The following COL17A1 variants were observed in gnomAD, a reference collection of about 807,000 sequenced individuals.
COL17A1 encodes the protein collagen alpha-1(XVII) chain.
COL17A1 carries 181 observed loss-of-function variants against 218.4 expected under a neutral mutation model. The ratio of observed to expected loss-of-function variants is 0.83; its 90% CI spans 0.73 to 0.94. COL17A1 has a LOEUF of 0.94. COL17A1 is among the 40% of genes least tolerant of loss of function. COL17A1 has a pLI of 0.00. For missense variants in COL17A1, 1,924 were observed against 1,945.9 expected, an observed-to-expected ratio of 0.99 and a Z score of 0.21; for synonymous variants, 721 against 731.0, an observed-to-expected ratio of 0.99 and a Z score of 0.22.
At chr10:104,050,934 A>C in intron 25 of COL17A1, 33 bp from the exon 26 acceptor site, 5 of 1,614,018 alleles carry the variant, frequency 3.1e-6, no homozygotes, top group Non-Finnish European at 3.4e-6. Flanking sequence ...CACACAGATG[A>C]GTATCCCTAG....
chr10:104,044,146 G>C (rs2086387396), intron 33 of COL17A1, among the ~76,000 whole-genome samples: 2 of 152,218 alleles, frequency 1.3e-5, no homozygotes, highest in Admixed American at 1.3e-4. Flanking sequence ...GGGCTGACTG[G>C]AGAGTCCTTC....
chr10:104,062,726 G>A (rs74154727), intron 11 of COL17A1, among the ~76,000 whole-genome samples: 55 of 152,294 alleles, frequency 3.6e-4, no homozygotes, highest in African/African-American at 1.3e-3. Context: ...GACACCTCGG[G>A]TGCTGAGAGG....
At chr10:104,048,829 CTTTTTTTTTTTTGGTT>C (rs1286504310) in intron 29 of COL17A1, among the ~76,000 whole-genome samples, 1 of 143,192 alleles carries the variant, frequency 7.0e-6, no homozygotes, top group Non-Finnish European at 1.5e-5. Context: ...TCAACATGGT[CTTTTTTTTTTTTGGTT>C]TTTTTTTGAG....
chr10:104,052,003 G>A (rs2086474060), intron 24 of COL17A1, 152 bp downstream of exon 24: 7 of 989,902 alleles, frequency 7.1e-6, no homozygotes, highest in Non-Finnish European at 9.6e-6. Context: ...GCTTTTCTGG[G>A]GGATGCTCTT....
intron 13 of COL17A1, 150 bp downstream of exon 13, chr10:104,061,255 A>C (rs2086579859): frequency 4.4e-6 from 3 of 684,382 alleles, no homozygotes; most frequent in Non-Finnish European, 7.4e-6. Context: ...CCTTTGGGGC[A>C]AGTTGCGTTT....
intron 51 of COL17A1, 98 bp downstream of exon 51, chr10:104,034,523 G>A (rs2086255034): frequency 6.5e-7 from 1 of 1,537,258 alleles, no homozygotes. Context: ...TGGCTCTCGT[G>A]TGGCCTTCCT....
At chr10:104,034,913 A>G in intron 50 of COL17A1, 146 bp from the exon 51 acceptor site, 3 of 986,328 alleles carry the variant, frequency 3.0e-6, no homozygotes, top group Non-Finnish European at 3.0e-6. Context: ...GAAAAGCAGG[A>G]GGCCAGAGCC....
intron 8 of COL17A1, 31 bp downstream of exon 8, chr10:104,072,001 C>G: frequency 6.2e-7 from 1 of 1,614,072 alleles, no homozygotes; most frequent in Non-Finnish European, 8.5e-7. Context: ...TTTCTGGACC[C>G]TTTCTTTTCA....
In COL17A1 at chr10:104,042,851, T is replaced by G. The variant is rs968989076; in HGVS notation, c.2516-396A>C. ...CACATATAACAAAATAACAGGCACT[T>G]TGGAAAGGTAGGAAACAAATTGTCC... On this transcript the variant is annotated intron_variant, in intron 35 of 55. Transcript: ENST00000648076. Among the ~76,000 whole-genome samples, 3 of 152,214 alleles carry G rather than the reference T, an allele frequency of 2.0e-5. No individual in the cohort carries two copies. In the East Asian group the frequency reaches 5.8e-4, roughly 29 times the overall value.
At chr10:104,058,302 C>G in intron 15 of COL17A1, 112 bp from the exon 16 acceptor site, 1 of 1,359,184 alleles carries the variant, frequency 7.4e-7, no homozygotes, top group Non-Finnish European at 1.0e-6. Flanking sequence ...TTGCTTTCAA[C>G]GACGTGCAGG....
Position 104,034,191 on chromosome 10 carries a change from C to A in COL17A1, c.3910G>T (p.Gly1304Cys). The A allele has an allele frequency of 1.2e-6, 2 of 1,613,354 alleles. No individual in the cohort carries two copies. Among genetic ancestry groups the A allele is most frequent in the Non-Finnish European group, 1.7e-6 (2 of 1,179,950 alleles). Residue 1304 changes from glycine (G) to cysteine (C), a missense_variant, in exon 52 of 56, where the codon GGC becomes TGC. Coordinates refer to ENST00000648076, the MANE Select transcript of COL17A1 (RefSeq NM_000494.4). ...SSSHSSSVRR[G>C]SSYSSSMSTG... ...CTCATGGAAGAGCTGTAGGAGCTGC[C>A]CCGCCTGACAGATGAGCTGTGTGAG...
chr10:104,083,097 G>A (rs1329710297), intron 1 of COL17A1, among the ~76,000 whole-genome samples: 1 of 152,214 alleles, frequency 6.6e-6, no homozygotes, highest in Non-Finnish European at 1.5e-5. Context: ...AAATATAAGA[G>A]GAAACTTTCT....
At chr10:104,074,759 G>A (rs2086695830) in intron 5 of COL17A1, among the ~76,000 whole-genome samples, 1 of 152,236 alleles carries the variant, frequency 6.6e-6, no homozygotes, top group South Asian at 2.1e-4. Context: ...TTGTCCTGCA[G>A]CGGCAGGAGG....
At chr10:104,077,349 G>A in intron 4 of COL17A1, 73 bp downstream of exon 4, 4 of 1,181,830 alleles carry the variant, frequency 3.4e-6, no homozygotes, top group Non-Finnish European at 5.0e-6. Flanking sequence ...CCTGTGTCCT[G>A]TGTAGGACTT....
Position 104,059,551 on chromosome 10 carries a change from A to G in COL17A1, c.1222+87T>C, listed in dbSNP as rs1036171411. 5 of 1,270,224 alleles carry G rather than the reference A, an allele frequency of 3.9e-6. No individual in the cohort carries two copies. The Admixed American group carries it at 5.1e-5, about 13-fold the overall frequency. The allele number at this position is 1,270,224 out of a possible 1,614,324, so 78.7% of individuals were successfully genotyped here. A position where few individuals can be genotyped will look rare whatever the true frequency, so the allele number is the denominator to read the frequency against. On this transcript the variant is annotated intron_variant, in intron 15 of 55. Transcript: ENST00000648076. The stretch of plus-strand genomic sequence containing the variant: ...CTGATGCTGCTGGCCCGTGGACCAC[A>G]CTTTGAGTAGCAAGGTCTCCGAAGA...
Position 104,055,473 on chromosome 10 carries a change from CACACACACAA to C in COL17A1, c.1688-82_1688-73del, listed in dbSNP as rs922845421. 7.8e-5 allele frequency: 117 copies of C among 1,502,226 alleles called. 2 individuals are homozygous for C. Among genetic ancestry groups the C allele is most frequent in the East Asian group, 5.6e-4 (25 of 44,332 alleles). The allele number at this position is 1,502,226 out of a possible 1,614,324, so 93.1% of individuals were successfully genotyped here. On this transcript the variant is annotated intron_variant, in intron 18 of 55. Coordinates refer to ENST00000648076, the MANE Select transcript of COL17A1 (RefSeq NM_000494.4). ...ACACACACACACACACACACACACACACACACACAATAAGGGGATCATGGTATGGGAAGAA... is the reference window on the plus strand; with the variant it reads ...ACACACACACACACACACACACACACTAAGGGGATCATGGTATGGGAAGAA...
chr10:104,070,826 T>C (rs769785005), intron 8 of COL17A1, among the ~76,000 whole-genome samples: 44 of 152,216 alleles, frequency 2.9e-4, no homozygotes, highest in Non-Finnish European at 4.6e-4. Flanking sequence ...AGATATTTCC[T>C]AATTAGACCT....
intron 6 of COL17A1, 91 bp downstream of exon 6, chr10:104,074,093 G>T: frequency 6.3e-7 from 1 of 1,594,114 alleles, no homozygotes; most frequent in Non-Finnish European, 8.6e-7. Context: ...TTTAACTCAT[G>T]AGGTCCCCTA....
chr10:104,056,752 GCATC>G lies in COL17A1; in HGVS notation c.1465+219_1465+222del, dbSNP rs374675677. On this transcript the variant is annotated intron_variant, in intron 17 of 55. Transcript: ENST00000648076. ...AGGGTGGGGCTGAGCATCAGGCGCTGCATCCAAATTCAGCTCCACCACTAAGTGG... is the reference window on the plus strand; with the variant it reads ...AGGGTGGGGCTGAGCATCAGGCGCTGCAAATTCAGCTCCACCACTAAGTGG... Among the ~76,000 whole-genome samples the G allele has an allele frequency of 1.7e-3, 265 of 152,256 alleles. 1 individual carries two copies. Among genetic ancestry groups the G allele is most frequent in the African/African-American group, 6.0e-3 (250 of 41,534 alleles).
Sources: gnomAD v4.1 joint callset for allele counts (sites outside exome capture counted in the v4.1 genomes callset) on GRCh38, gnomAD v4.1.1 for gene constraint, MANE v1.5 for transcripts, NCBI Gene and HGNC (gene_info 2026-07-23, HGNC 2026-07-21) for gene names.